Variants in CDH12 observed in about 807,000 individuals in gnomAD.
CDH12 encodes cadherin-12.
In CDH12, 41 loss-of-function variants were observed where a neutral mutation model predicts 74.1. The observed-to-expected ratio is 0.55, with a 90% confidence interval of 0.43 to 0.72. CDH12 has a LOEUF of 0.72. Ranked by LOEUF, CDH12 falls within the 30% of genes least tolerant of loss-of-function variation. The pLI, the probability that CDH12 is intolerant of heterozygous loss-of-function variation, is 0.00. For synonymous variants in CDH12, 399 were observed against 355.0 expected (o/e 1.12, Z -1.39); for missense variants, 945 against 977.2 (o/e 0.97, Z 0.44).
At chr5:22,724,206 T>A (rs927991350) in intron 1 of CDH12, among the ~76,000 whole-genome samples, 5 of 151,668 alleles carry the variant, frequency 3.3e-5, no homozygotes, top group African/African-American at 4.8e-5. Context: ...TGTCATTAAA[T>A]TTTTTTAAAG....
intron 1 of CDH12, among the ~76,000 whole-genome samples, chr5:22,586,474 A>T (rs1340780423): frequency 7.1e-6 from 1 of 140,174 alleles, no homozygotes; most frequent in East Asian, 2.2e-4. Context: ...GTACCCTAGA[A>T]CTTAAAGTAT....
chr5:22,696,414 C>T (rs1742367406), intron 1 of CDH12, among the ~76,000 whole-genome samples: 1 of 150,898 alleles, frequency 6.6e-6, no homozygotes, highest in Non-Finnish European at 1.5e-5. Flanking sequence ...TTACTTTTCT[C>T]CCCATCTGCA....
intron 1 of CDH12, among the ~76,000 whole-genome samples, chr5:22,572,688 A>G (rs915889421): frequency 1.3e-5 from 2 of 152,196 alleles, no homozygotes; most frequent in Admixed American, 6.5e-5. Context: ...TTGGTTGAAT[A>G]CTGAAAGGGC....
At chr5:21,956,421 G>C (rs972693638) in intron 6 of CDH12, among the ~76,000 whole-genome samples, 18 of 152,012 alleles carry the variant, frequency 1.2e-4, no homozygotes, top group African/African-American at 4.3e-4. Context: ...CTCATATCCA[G>C]TAATGTAATT....
intron 10 of CDH12, among the ~76,000 whole-genome samples, chr5:21,786,368 A>G (rs1579699556): frequency 1.3e-5 from 2 of 152,146 alleles, no homozygotes; most frequent in Middle Eastern, 3.4e-3. Flanking sequence ...TGGTCAGGCT[A>G]GTCTCAAACT....
chr5:22,704,408 T>A (rs1293933257), intron 1 of CDH12, among the ~76,000 whole-genome samples: 2 of 151,662 alleles, frequency 1.3e-5, no homozygotes, highest in African/African-American at 4.8e-5. Context: ...GCAATCAAAT[T>A]TTTTTTTAGC....
chr5:21,835,273 C>T (rs1317679163), intron 8 of CDH12, among the ~76,000 whole-genome samples: 1 of 151,370 alleles, frequency 6.6e-6, no homozygotes, highest in African/African-American at 2.4e-5. Flanking sequence ...ATGAATATAC[C>T]TATATATATA....
chr5:22,204,452 C>T (rs1330563606), intron 4 of CDH12, among the ~76,000 whole-genome samples: 1 of 152,184 alleles, frequency 6.6e-6, no homozygotes, highest in Non-Finnish European at 1.5e-5. Flanking sequence ...TGAGCCACCG[C>T]GCCCAGCCCA....
At chr5:22,618,240 T>C (rs886906216) in intron 1 of CDH12, among the ~76,000 whole-genome samples, 1 of 152,120 alleles carries the variant, frequency 6.6e-6, no homozygotes, top group Admixed American at 6.6e-5. Context: ...AGATACAGCA[T>C]TTTACTTTTT....
At chr5:22,004,334 G>A (rs1407855318) in intron 5 of CDH12, among the ~76,000 whole-genome samples, 2 of 152,140 alleles carry the variant, frequency 1.3e-5, no homozygotes, top group African/African-American at 2.4e-5. Context: ...AACCCCACTG[G>A]AGAAATGAGG....
intron 1 of CDH12, among the ~76,000 whole-genome samples, chr5:22,766,873 T>C (rs1299520780): frequency 6.6e-6 from 1 of 152,080 alleles, no homozygotes; most frequent in Admixed American, 6.6e-5. Flanking sequence ...CACAATTTTA[T>C]CTAAGGAACT....
At chr5:22,795,442 A>G (rs967300473) in intron 1 of CDH12, among the ~76,000 whole-genome samples, 6 of 152,036 alleles carry the variant, frequency 3.9e-5, no homozygotes, top group African/African-American at 7.2e-5. Flanking sequence ...TGTAAATTGA[A>G]CAGATCTCCA....
intron 1 of CDH12, among the ~76,000 whole-genome samples, chr5:22,829,626 A>T (rs566250609): frequency 1.7e-3 from 253 of 152,326 alleles, no homozygotes; most frequent in Non-Finnish European, 2.6e-3. Context: ...AAGAGAACAG[A>T]CATGTGAAAT....
intron 6 of CDH12, among the ~76,000 whole-genome samples, chr5:21,952,772 A>G (rs2150102462): frequency 6.6e-6 from 1 of 151,094 alleles, no homozygotes; most frequent in Middle Eastern, 3.4e-3. Context: ...CATCTTGCCC[A>G]AATTCCTATT....
chr5:22,020,579 A>G (rs960462030), intron 5 of CDH12, among the ~76,000 whole-genome samples: 3 of 150,958 alleles, frequency 2.0e-5, no homozygotes, highest in African/African-American at 7.3e-5. Flanking sequence ...AAGAAGTCCA[A>G]CCTCCAAGAT....
chr5:22,543,071 C>G (rs1452830676), intron 1 of CDH12, among the ~76,000 whole-genome samples: 5 of 152,036 alleles, frequency 3.3e-5, no homozygotes, highest in Admixed American at 6.6e-5. Flanking sequence ...GAATTATGTT[C>G]ATTCTTATTC....
chr5:22,283,312 T>A (rs1403007053), intron 3 of CDH12, among the ~76,000 whole-genome samples: 1 of 148,676 alleles, frequency 6.7e-6, no homozygotes, highest in Non-Finnish European at 1.5e-5. Context: ...TACATATATA[T>A]ACACACACAG....
At chr5:22,326,479 A>C (rs2968390) in intron 3 of CDH12, among the ~76,000 whole-genome samples, 91,518 of 151,912 alleles carry the variant, frequency 0.6, 28,431 homozygotes, top group South Asian at 0.76. Flanking sequence ...TCGTGATCCG[A>C]CCGCCTCGGC....
At chr5:22,319,331 A>G (rs888150632) in intron 3 of CDH12, among the ~76,000 whole-genome samples, 2 of 152,316 alleles carry the variant, frequency 1.3e-5, no homozygotes, top group African/African-American at 4.8e-5. Context: ...AACCTTTCTT[A>G]TTCCCTTTTT....
Sources: gnomAD v4.1 joint callset for allele counts (sites outside exome capture counted in the v4.1 genomes callset) on GRCh38, gnomAD v4.1.1 for gene constraint, MANE v1.5 for transcripts, NCBI Gene and HGNC (gene_info 2026-07-23, HGNC 2026-07-21) for gene names.